The following MROH1 variants were observed in gnomAD, a reference collection of about 807,000 sequenced individuals.
MROH1 encodes maestro heat-like repeat-containing protein family member 1.
MROH1 carries 117 observed loss-of-function variants against 116.5 expected under a neutral mutation model. The ratio of observed to expected loss-of-function variants is 1.00; its 90% CI spans 0.86 to 1.17. The LOEUF is 1.17. Among genes scored for constraint, MROH1 ranks in the 50% most tolerant of loss-of-function variants. The pLI is 0.00. For synonymous variants in MROH1, 921 were observed against 583.9 expected (o/e 1.58, Z -8.32); for missense variants, 1,873 against 1,338.5 (o/e 1.40, Z -6.23).
chr8:144,198,006 G>A (rs1588094024), intron 10 of MROH1, among the ~76,000 whole-genome samples: 2 of 146,368 alleles, frequency 1.4e-5, no homozygotes, highest in Non-Finnish European at 3.0e-5. Flanking sequence ...CCAAGGTCAC[G>A]CCATTGCACT....
chr8:144,248,746 C>CG, intron 31 of MROH1, 131 bp from the exon 32 acceptor site: 1 of 693,468 alleles, frequency 1.4e-6, no homozygotes, highest in South Asian at 1.6e-5. Context: ...CAGGGCCCAG[C>CG]GGCTGGGGCC....
At chr8:144,172,294 G>T (rs1229859310) in intron 4 of MROH1, among the ~76,000 whole-genome samples, 1 of 152,114 alleles carries the variant, frequency 6.6e-6, no homozygotes, top group Non-Finnish European at 1.5e-5. Context: ...ATCTCTGAAG[G>T]CTGCTATCTG....
In MROH1 at chr8:144,190,851, G is replaced by C. The variant is rs527839264; in HGVS notation, c.630G>C (p.Thr210=). 6.2e-7 allele frequency: 1 copy of C among 1,613,790 alleles called. No individual in the cohort carries two copies. The highest frequency in any genetic ancestry group is 1.1e-5 in the South Asian group (1 of 91,084). The part of the protein sequence containing the change: ...LANLDRAPDP[T]VRKDAFATDI... ...ACCTGGACCGAGCCCCAGACCCCACGGTCAGGAAGGACGCCTTTGCCACCG... is the reference window on the plus strand; with the variant it reads ...ACCTGGACCGAGCCCCAGACCCCACCGTCAGGAAGGACGCCTTTGCCACCG... The change falls in exon 8 of 44, where the codon ACG becomes ACC. Residue 210 remains threonine (T), a synonymous_variant. Transcript: ENST00000326134.
chr8:144,259,340 G>A lies in MROH1; in HGVS notation c.4030G>A (p.Ala1344Thr), dbSNP rs1157912273. Reference sequence around the variant, plus strand: ...TGAGAACCAGAGGGTGACCACCACCGCCTTCCTGGCCGAGGTAGGCCCTTC... The same window carrying A: ...TGAGAACCAGAGGGTGACCACCACCACCTTCCTGGCCGAGGTAGGCCCTTC... ...AYENQRVTTT[A>T]FLAELLNSNV... The change falls in exon 37 of 44, where the codon GCC (alanine) becomes ACC (threonine). Residue 1344 changes from alanine to threonine, a missense_variant. Ala to Thr is a moderately conservative substitution (Grantham distance 58). Coordinates refer to ENST00000326134, the MANE Select transcript of MROH1 (RefSeq NM_032450.3). 21 of 715,106 alleles carry A rather than the reference G, an allele frequency of 2.9e-5. No homozygotes were observed. Among genetic ancestry groups the A allele is most frequent in the East Asian group, 1.3e-4 (5 of 37,292 alleles). The allele number at this position is 715,106 out of a possible 1,614,324, so 44.3% of individuals were successfully genotyped here. A position where few individuals can be genotyped will look rare whatever the true frequency, so the allele number is the denominator to read the frequency against.
intron 10 of MROH1, among the ~76,000 whole-genome samples, chr8:144,193,597 CATTTATTT>C (rs1264201106): frequency 6.6e-6 from 1 of 151,950 alleles, no homozygotes; most frequent in Non-Finnish European, 1.5e-5. Context: ...ATTATTTATT[CATTTATTT>C]ATTTATTATT....
At chr8:144,252,714 C>T (rs1843040802) in intron 33 of MROH1, 1 of 149,954 alleles carries the variant, frequency 6.7e-6, no homozygotes, top group South Asian at 2.1e-4. Flanking sequence ...CGCCTATAAT[C>T]CCGACACTTT....
chr8:144,234,083 CACTGCAAGCTCTG>C (rs1554823741), intron 14 of MROH1, among the ~76,000 whole-genome samples: 1 of 152,154 alleles, frequency 6.6e-6, no homozygotes, highest in Middle Eastern at 3.2e-3. Flanking sequence ...GATCTCGGCT[CACTGCAAGCTCTG>C]CCTCCCGGGT....
chr8:144,261,404 C>A, intron 43 of MROH1, 55 bp downstream of exon 43: 3 of 700,420 alleles, frequency 4.3e-6, no homozygotes, highest in Admixed American at 4.0e-5. Flanking sequence ...CTGTAGGCAC[C>A]CGCAGGGACT....
intron 21 of MROH1, 85 bp from the exon 22 acceptor site, chr8:144,241,310 G>T: frequency 1.4e-6 from 1 of 710,574 alleles, no homozygotes; most frequent in Non-Finnish European, 2.6e-6. Context: ...ACATGTGGGT[G>T]TGCCCGTGTC....
In MROH1 at chr8:144,254,835, G is replaced by A; in HGVS notation, c.3451G>A (p.Ala1151Thr). ...LDSHTCMLWRALAVEPRLAAQ... is the reference protein window; with the variant it reads ...LDSHTCMLWRTLAVEPRLAAQ... ...CAGCCACACCTGCATGCTGTGGCGG[G>A]CGCTGGCGGTGGAGCCTCGCCTAGC... Residue 1151 changes from alanine (A) to threonine (T), a missense_variant, in exon 34 of 44, where the codon GCG becomes ACG. Coordinates refer to ENST00000326134, the MANE Select transcript of MROH1 (RefSeq NM_032450.3). 1 of 777,048 alleles carries A rather than the reference G, an allele frequency of 1.3e-6. No individual in the cohort carries two copies. The highest frequency in any genetic ancestry group is 2.4e-6 in the Non-Finnish European group (1 of 417,488). 48.1% of individuals were successfully genotyped at this position (777,048 alleles called of 1,614,324 possible).
chr8:144,242,801 T>TG (rs1476190331), intron 24 of MROH1, among the ~76,000 whole-genome samples, 173 bp downstream of exon 24: 2 of 152,186 alleles, frequency 1.3e-5, no homozygotes, highest in Non-Finnish European at 2.9e-5. Flanking sequence ...TTCCCTGGCC[T>TG]GGGCCCTGGA....
chr8:144,219,291 G>A (rs949774049), intron 12 of MROH1, among the ~76,000 whole-genome samples: 1 of 152,038 alleles, frequency 6.6e-6, no homozygotes, highest in African/African-American at 2.4e-5. Flanking sequence ...CAGAGTGCTG[G>A]GATTACAGGC....
intron 14 of MROH1, among the ~76,000 whole-genome samples, chr8:144,234,818 G>T (rs9720176): frequency 1 from 148,715 of 148,716 alleles, 74,357 homozygotes; most frequent in Non-Finnish European, 1. Flanking sequence ...GCACCTAGTC[G>T]GAATTATTTT....
chr8:144,237,520 T>C (rs1029614625), intron 14 of MROH1, among the ~76,000 whole-genome samples: 15 of 152,238 alleles, frequency 9.9e-5, no homozygotes, highest in Non-Finnish European at 1.8e-4. Flanking sequence ...CCTGTTTTTG[T>C]GTCTCACTGA....
At chr8:144,158,359 A>C (rs1818680781) in intron 1 of MROH1, among the ~76,000 whole-genome samples, 1 of 149,534 alleles carries the variant, frequency 6.7e-6, no homozygotes. Flanking sequence ...AACTGACCTC[A>C]AGTGATCCAC....
At chr8:144,224,808 G>A (rs1471065796) in intron 14 of MROH1, among the ~76,000 whole-genome samples, 3 of 152,200 alleles carry the variant, frequency 2.0e-5, no homozygotes, top group Admixed American at 6.5e-5. Flanking sequence ...TGGTGCCACT[G>A]GGTGCTGGGC....
chr8:144,183,858 A>C (rs1365650283), intron 7 of MROH1, among the ~76,000 whole-genome samples: 1 of 152,040 alleles, frequency 6.6e-6, no homozygotes, highest in Non-Finnish European at 1.5e-5. Context: ...CATGTTAGCC[A>C]GGATGGTCTG....
intron 1 of MROH1, among the ~76,000 whole-genome samples, chr8:144,150,009 TC>T (rs1456038144): frequency 6.6e-6 from 1 of 152,054 alleles, no homozygotes; most frequent in East Asian, 1.9e-4. Context: ...TTCTGTGACC[TC>T]CCAGTCTCCC....
intron 10 of MROH1, among the ~76,000 whole-genome samples, chr8:144,194,691 C>A (rs1325549969): frequency 6.6e-6 from 1 of 151,926 alleles, no homozygotes; most frequent in African/African-American, 2.4e-5. Flanking sequence ...GGAGGAAGAA[C>A]TGCTTGAGCC....
Sources: gnomAD v4.1 joint callset for allele counts (sites outside exome capture counted in the v4.1 genomes callset) on GRCh38, gnomAD v4.1.1 for gene constraint, MANE v1.5 for transcripts, NCBI Gene and HGNC (gene_info 2026-07-23, HGNC 2026-07-21) for gene names.